The following THAP9 variants were observed in gnomAD, a reference collection of about 807,000 sequenced individuals.
THAP9 encodes THAP domain containing 9, also known as DNA transposase THAP9.
A neutral mutation model predicts 35.7 loss-of-function variants in THAP9; 20 were observed. That is an observed-to-expected ratio of 0.56 (90% CI 0.39 to 0.81). The LOEUF (loss-of-function observed/expected upper bound fraction) is 0.81. THAP9 is among the 40% of genes least tolerant of loss of function. THAP9 has a pLI of 0.00. For synonymous variants in THAP9, 335 were observed against 373.7 expected (o/e 0.90, Z 1.19); for missense variants, 870 against 1,047.4 (o/e 0.83, Z 2.34).
chr4:82,908,998 C>T (rs1720762712), intron 4 of THAP9, among the ~76,000 whole-genome samples: 1 of 152,026 alleles, frequency 6.6e-6, no homozygotes, highest in South Asian at 2.1e-4. Context: ...CCTCCGCCTC[C>T]CAGGTTCGAC....
intron 1 of THAP9, chr4:82,901,254 C>G (rs1219043277): frequency 2.9e-5 from 14 of 480,762 alleles, no homozygotes; most frequent in Admixed American, 2.8e-4. Flanking sequence ...GAGTACAGAT[C>G]AGTTTTCTCC....
chr4:82,905,022 C>CA (rs1179817131), intron 2 of THAP9, 91 bp downstream of exon 2: 57 of 1,186,726 alleles, frequency 4.8e-5, no homozygotes, highest in South Asian at 1.7e-4. Flanking sequence ...AATTTGCAGA[C>CA]AAAAAAACCC....
At chr4:82,900,923 G>A in intron 1 of THAP9, 41 bp downstream of exon 1, 1 of 1,607,824 alleles carries the variant, frequency 6.2e-7, no homozygotes, top group Non-Finnish European at 8.5e-7. Flanking sequence ...AACTCCCTGC[G>A]GGGCCCGGCG....
Position 82,906,626 on chromosome 4 carries a change from A to G in THAP9, c.579A>G (p.Ser193=). 1 of 1,587,072 alleles carries G rather than the reference A, an allele frequency of 6.3e-7. No individual in the cohort carries two copies. Among genetic ancestry groups the G allele is most frequent in the South Asian group, 1.2e-5 (1 of 86,810 alleles). ...ETECLLRAQF[S]DFKWELYNWR... is the part of the protein sequence containing the mutation. Reference sequence around the variant, plus strand: ...AGTGTCTGCTACGAGCTCAATTTTCAGGTACTTCCCCCTAGTAACCTGTAG... The same window carrying G: ...AGTGTCTGCTACGAGCTCAATTTTCGGGTACTTCCCCCTAGTAACCTGTAG... Residue 193 remains serine (S), a splice_region_variant and synonymous_variant, in exon 3 of 5, where the codon TCA becomes TCG. Coordinates refer to ENST00000302236, the MANE Select transcript of THAP9 (RefSeq NM_024672.6).
At chr4:82,904,288 C>T (rs558685842) in intron 1 of THAP9, among the ~76,000 whole-genome samples, 1 of 152,250 alleles carries the variant, frequency 6.6e-6, no homozygotes, top group South Asian at 2.1e-4. Flanking sequence ...TGGTCTTGAA[C>T]TCCTGACTGC....
At chr4:82,903,967 G>A (rs1003195429) in intron 1 of THAP9, among the ~76,000 whole-genome samples, 1 of 151,974 alleles carries the variant, frequency 6.6e-6, no homozygotes, top group Non-Finnish European at 1.5e-5. Context: ...GTAGTCTGTG[G>A]TCACTTACTG....
intron 4 of THAP9, chr4:82,913,217 A>G (rs1184675514): frequency 6.6e-6 from 1 of 152,216 alleles, no homozygotes; most frequent in Non-Finnish European, 1.5e-5. Context: ...AAATAAATCA[A>G]CAAATCCACG....
chr4:82,905,021 A>T lies in THAP9; in HGVS notation c.276+90A>T. 4 of 1,285,324 alleles carry T rather than the reference A, an allele frequency of 3.1e-6. No homozygotes were observed. The South Asian group carries it at 5.9e-5, about 19-fold the overall frequency. 79.6% of individuals were successfully genotyped at this position (1,285,324 alleles called of 1,614,324 possible). On this transcript the variant is annotated intron_variant, in intron 2 of 4. Transcript: ENST00000302236. ...CCCCCATTATAGCTAGAATTTGCAG[A>T]CAAAAAAACCCAAGTCTTAAATCCA...
At chr4:82,907,729 C>A in intron 3 of THAP9, 56 bp from the exon 4 acceptor site, 1 of 1,323,920 alleles carries the variant, frequency 7.6e-7, no homozygotes, top group East Asian at 2.5e-5. Context: ...ATGCTATAAT[C>A]TGTACCTGAA....
At chr4:82,914,901 A>G (rs945463301) in intron 4 of THAP9, among the ~76,000 whole-genome samples, 1 of 152,106 alleles carries the variant, frequency 6.6e-6, no homozygotes, top group Non-Finnish European at 1.5e-5. Context: ...TATGTCCAGG[A>G]TGGTATTGCC....
Position 82,906,624 on chromosome 4 carries a change from T to C in THAP9, c.577T>C (p.Ser193Pro), listed in dbSNP as rs1217247185. The change falls in exon 3 of 5, where the codon TCA becomes CCA. Residue 193 changes from serine (S) to proline (P), a missense_variant. By Grantham distance (74) the Ser-to-Pro change is moderately conservative (BLOSUM62 -1). Coordinates refer to ENST00000302236, the MANE Select transcript of THAP9 (RefSeq NM_024672.6). The stretch of plus-strand genomic sequence containing the variant: ...AGAGTGTCTGCTACGAGCTCAATTT[T>C]CAGGTACTTCCCCCTAGTAACCTGT... ...ETECLLRAQFSDFKWELYNWR... is the reference protein window; with the variant it reads ...ETECLLRAQFPDFKWELYNWR... 1 of 1,587,914 alleles carries C rather than the reference T, an allele frequency of 6.3e-7. No individual in the cohort carries two copies. The highest frequency in any genetic ancestry group is 8.6e-7 in the Non-Finnish European group (1 of 1,167,546).
intron 1 of THAP9, 54 bp from the exon 2 acceptor site, chr4:82,904,682 G>T: frequency 2.0e-6 from 3 of 1,489,576 alleles, no homozygotes; most frequent in East Asian, 2.3e-5. Flanking sequence ...AAATACTACT[G>T]TAATAGTACT....
chr4:82,902,635 C>G (rs1720473125), intron 1 of THAP9, among the ~76,000 whole-genome samples: 2 of 152,148 alleles, frequency 1.3e-5, no homozygotes, highest in South Asian at 2.1e-4. Flanking sequence ...GAAAAGCTCC[C>G]TTGCAAAATA....
chr4:82,912,296 A>G (rs980469901), intron 4 of THAP9, among the ~76,000 whole-genome samples: 1 of 152,076 alleles, frequency 6.6e-6, no homozygotes, highest in African/African-American at 2.4e-5. Flanking sequence ...CTTTATTTAT[A>G]TTTCCTCTGT....
intron 1 of THAP9, among the ~76,000 whole-genome samples, chr4:82,903,162 G>A (rs900322763): frequency 1.3e-5 from 2 of 152,216 alleles, no homozygotes; most frequent in African/African-American, 2.4e-5. Flanking sequence ...CTAAGATAAC[G>A]TCAAAGAAGA....
chr4:82,907,661 A>G, intron 3 of THAP9, 124 bp from the exon 4 acceptor site: 2 of 740,706 alleles, frequency 2.7e-6, no homozygotes, highest in Non-Finnish European at 2.1e-6. Flanking sequence ...AATAGACTTA[A>G]TCAAAATGCA....
intron 1 of THAP9, among the ~76,000 whole-genome samples, chr4:82,901,548 G>GTAC (rs1484153828): frequency 1.3e-5 from 2 of 152,168 alleles, no homozygotes; most frequent in Non-Finnish European, 2.9e-5. Flanking sequence ...GTTGGAAAGG[G>GTAC]GGGGTAGGAA....
rs1721110583 is a variant in THAP9, at chr4:82,918,235, C to A, written c.2023C>A (p.Gln675Lys). 1 of 1,614,050 alleles carries A rather than the reference C, an allele frequency of 6.2e-7. No homozygotes were observed. Among genetic ancestry groups the A allele is most frequent in the Non-Finnish European group, 8.5e-7 (1 of 1,180,022 alleles). Residue 675 changes from glutamine to lysine, a missense_variant, in exon 5 of 5, where the codon CAA becomes AAA. By Grantham distance (53) the Gln-to-Lys change is moderately conservative. Around this residue, in one of 3 missense-constraint regions of THAP9, gnomAD observed 414 missense variants for 500.8 expected, o/e 0.83. Transcript: ENST00000302236. ...RRKDLALWTV[Q>K]RQYGVSVTKT... ...GAAAGACTTGGCGCTTTGGACAGTT[C>A]AACGTCAGTATGGTGTCAGCGTTAC...
Position 82,919,519 on chromosome 4 carries a change from T to C in THAP9, c.*595T>C, listed in dbSNP as rs1193979388. 1.3e-5 allele frequency: 2 copies of C among 152,326 alleles called. No homozygotes were observed. Among genetic ancestry groups the C allele is most frequent in the Non-Finnish European group, 2.9e-5 (2 of 68,142 alleles). The allele number at this position is 152,326 out of a possible 1,614,324, so 9.4% of individuals were successfully genotyped here. ...AGGTAAAGTACATGAGCCATGAGAT[T>C]CTTCCTTGTGCTGCAGCCACGCTGG... On this transcript the variant is annotated 3_prime_UTR_variant, in exon 5 of 5. Transcript: ENST00000302236.
Sources: gnomAD v4.1 joint callset for allele counts (sites outside exome capture counted in the v4.1 genomes callset) on GRCh38, gnomAD v4.1.1 for gene constraint, gnomAD v4.1.1 regional missense constraint, MANE v1.5 for transcripts, NCBI Gene and HGNC (gene_info 2026-07-23, HGNC 2026-07-21) for gene names.